Variants in DGKB observed in about 807,000 individuals in gnomAD.
DGKB encodes diacylglycerol kinase beta.
Under a neutral mutation model 114.3 loss-of-function variants are expected in DGKB, and 67 were observed. The observed-to-expected ratio is 0.59, with a 90% CI of 0.48 to 0.72. DGKB has a LOEUF of 0.72. Ranked by LOEUF, DGKB falls within the 30% of genes least tolerant of loss-of-function variation. The pLI is 0.00. For synonymous variants in DGKB, 398 were observed against 323.1 expected, an observed-to-expected ratio of 1.23 and a Z score of -2.49; for missense variants, 907 against 975.2, an observed-to-expected ratio of 0.93 and a Z score of 0.93.
chr7:14,237,738 T>A (rs1215121453), intron 23 of DGKB, among the ~76,000 whole-genome samples: 1 of 152,010 alleles, frequency 6.6e-6, no homozygotes, highest in African/African-American at 2.4e-5. Flanking sequence ...TGCATTGTTA[T>A]CTTGGCACCG....
At chr7:14,835,311 C>A (rs957331100) in intron 2 of DGKB, among the ~76,000 whole-genome samples, 3 of 152,162 alleles carry the variant, frequency 2.0e-5, no homozygotes, top group Non-Finnish European at 2.9e-5. Context: ...TCAGCCACCA[C>A]TATCACAATC....
chr7:14,316,809 A>C (rs895649975), intron 23 of DGKB, among the ~76,000 whole-genome samples: 5 of 151,152 alleles, frequency 3.3e-5, no homozygotes, highest in African/African-American at 4.9e-5. Context: ...TCTGATATCA[A>C]AGCCGGGCAG....
chr7:14,589,664 G>A (rs1177467122), intron 17 of DGKB, among the ~76,000 whole-genome samples: 2 of 151,870 alleles, frequency 1.3e-5, no homozygotes, highest in Admixed American at 6.6e-5. Flanking sequence ...CAAGGTCTCT[G>A]TCCTTTAATC....
At chr7:14,449,273 T>C (rs1056598978) in intron 21 of DGKB, among the ~76,000 whole-genome samples, 23 of 152,088 alleles carry the variant, frequency 1.5e-4, no homozygotes, top group Admixed American at 1.2e-3. Flanking sequence ...GTGGAAAACA[T>C]TGACTATGGT....
intron 15 of DGKB, among the ~76,000 whole-genome samples, chr7:14,614,284 C>T (rs981100217): frequency 6.6e-6 from 1 of 152,110 alleles, no homozygotes; most frequent in Non-Finnish European, 1.5e-5. Flanking sequence ...TGGGAAAGGA[C>T]AAGTGTTGTC....
At chr7:14,313,326 G>A (rs1805744327) in intron 23 of DGKB, among the ~76,000 whole-genome samples, 1 of 152,142 alleles carries the variant, frequency 6.6e-6, no homozygotes, top group South Asian at 2.1e-4. Flanking sequence ...GAGCGACGCA[G>A]AAGACGGGTG....
At chr7:14,360,547 A>C (rs1815525943) in intron 21 of DGKB, among the ~76,000 whole-genome samples, 2 of 151,880 alleles carry the variant, frequency 1.3e-5, no homozygotes, top group African/African-American at 4.8e-5. Flanking sequence ...AAGTTAATTT[A>C]ATGTAGGTGT....
chr7:14,881,922 A>G (rs1029412574), intron 1 of DGKB, among the ~76,000 whole-genome samples: 1 of 152,010 alleles, frequency 6.6e-6, no homozygotes, highest in Non-Finnish European at 1.5e-5. Flanking sequence ...CATTCCTTTA[A>G]CTGTTCAACT....
intron 25 of DGKB, among the ~76,000 whole-genome samples, chr7:14,168,650 T>C (rs1415084691): frequency 1.3e-5 from 2 of 152,220 alleles, no homozygotes; most frequent in South Asian, 2.1e-4. Flanking sequence ...TAAGAAGACA[T>C]TTGCAAAGTA....
At chr7:14,906,447 CTTTTTTTTTTTTT>C (rs34250901), upstream of DGKB, among the ~76,000 whole-genome samples, 1 of 103,882 alleles carries the variant, frequency 9.6e-6, no homozygotes, top group African/African-American at 3.3e-5. Context: ...TTTTTTCTGT[CTTTTTTTTTTTTT>C]TTTTTTTTTT....
At chr7:14,919,099 C>CACACACACACAA (rs1784395452) in intron 1 of DGKB, among the ~76,000 whole-genome samples, 34 of 141,920 alleles carry the variant, frequency 2.4e-4, no homozygotes, top group Non-Finnish European at 3.6e-4. Flanking sequence ...CACACAAACA[C>CACACACACACAA]ACACACACAC....
At chr7:14,625,408 T>C (rs1318877411) in intron 14 of DGKB, among the ~76,000 whole-genome samples, 4 of 152,136 alleles carry the variant, frequency 2.6e-5, no homozygotes, top group Non-Finnish European at 5.9e-5. Flanking sequence ...CCTCAAAAAA[T>C]TTCCTGTCCA....
intron 1 of DGKB, among the ~76,000 whole-genome samples, chr7:14,859,030 A>G (rs770269021): frequency 6.6e-6 from 1 of 152,134 alleles, no homozygotes; most frequent in Non-Finnish European, 1.5e-5. Context: ...TTCTAACTGG[A>G]GTCAGTAGAG....
intron 23 of DGKB, among the ~76,000 whole-genome samples, chr7:14,253,119 C>G (rs1157691702): frequency 3.3e-5 from 5 of 151,880 alleles, no homozygotes; most frequent in African/African-American, 1.2e-4. Context: ...ACTGCAACCT[C>G]CGCCTCCCGG....
intron 23 of DGKB, among the ~76,000 whole-genome samples, chr7:14,300,432 C>T (rs764511780): frequency 3.3e-5 from 5 of 152,076 alleles, no homozygotes; most frequent in Non-Finnish European, 7.4e-5. Context: ...ATGACTCATA[C>T]ATTGATACAT....
At chr7:14,616,259 A>G (rs1460090114) in intron 15 of DGKB, among the ~76,000 whole-genome samples, 1 of 149,422 alleles carries the variant, frequency 6.7e-6, no homozygotes, top group East Asian at 1.9e-4. Flanking sequence ...ACAACCATCA[A>G]TAACAGAAAA....
Position 14,682,601 on chromosome 7 carries a change from T to C in DGKB, c.987A>G (p.Lys329=). Reference sequence around the variant, plus strand: ...GCAGTCCTGTCAGGCCCTGGTAACATTTAACAGTTTTGTGGCACTTATCAC... The same window carrying C: ...GCAGTCCTGTCAGGCCCTGGTAACACTTAACAGTTTTGTGGCACTTATCAC... The part of the protein sequence containing the change: ...TKCDKCHKTV[K]CYQGLTGLHC... The change falls in exon 12 of 26, where the codon AAA becomes AAG. Residue 329 remains lysine (K), a synonymous_variant. Coordinates refer to ENST00000402815, the MANE Select transcript of DGKB (RefSeq NM_001350709.2). 6.2e-7 allele frequency: 1 copy of C among 1,613,596 alleles called. No individual in the cohort carries two copies. The highest frequency in any genetic ancestry group is 8.5e-7 in the Non-Finnish European group (1 of 1,179,616).
chr7:14,262,687 C>A (rs1010305974), intron 23 of DGKB, among the ~76,000 whole-genome samples: 1 of 152,020 alleles, frequency 6.6e-6, no homozygotes, highest in African/African-American at 2.4e-5. Context: ...TTTCTCAGGG[C>A]TATTGCAAAG....
intron 21 of DGKB, among the ~76,000 whole-genome samples, chr7:14,396,325 TA>T (rs1484480491): frequency 2.0e-5 from 3 of 152,146 alleles, no homozygotes; most frequent in Non-Finnish European, 4.4e-5. Flanking sequence ...TAGCCTTGCA[TA>T]GTGACTAAAT....
Sources: allele counts gnomAD v4.1 joint callset (sites outside exome capture counted in the v4.1 genomes callset), GRCh38; gene constraint gnomAD v4.1.1; transcripts MANE v1.5; gene names NCBI Gene and HGNC (gene_info 2026-07-23, HGNC 2026-07-21).